PHKB: variants seen among roughly 807,000 people sequenced by gnomAD.
PHKB encodes the protein phosphorylase b kinase regulatory subunit beta.
Under a neutral mutation model 152.1 loss-of-function variants are expected in PHKB, and 122 were observed. The observed-to-expected ratio is 0.80, with a 90% CI of 0.69 to 0.93. PHKB has a LOEUF of 0.93. PHKB is among the 40% of genes least tolerant of loss of function. The pLI is 0.00. For synonymous variants in PHKB, 436 were observed against 464.9 expected (o/e 0.94, Z 0.80); for missense variants, 1,304 against 1,328.4 (o/e 0.98, Z 0.29).
chr16:47,477,357 T>A (rs1969885888), intron 1 of PHKB, among the ~76,000 whole-genome samples: 1 of 152,202 alleles, frequency 6.6e-6, no homozygotes, highest in Non-Finnish European at 1.5e-5. Context: ...GGACTCAATG[T>A]TGAATAATAA....
At chr16:47,464,124 T>C in intron 1 of PHKB, 1 of 709,890 alleles carries the variant, frequency 1.4e-6, no homozygotes, top group South Asian at 1.5e-5. Context: ...AGTACCCGGC[T>C]GGTGTTTTGT....
intron 9 of PHKB, among the ~76,000 whole-genome samples, chr16:47,588,392 A>G (rs1352489465): frequency 1.3e-5 from 2 of 151,674 alleles, no homozygotes; most frequent in East Asian, 1.9e-4. Context: ...ATTTGGGTAT[A>G]TATGTTTTCA....
chr16:47,638,798 T>A (rs1284579523), intron 14 of PHKB, among the ~76,000 whole-genome samples: 1 of 152,248 alleles, frequency 6.6e-6, no homozygotes, highest in Non-Finnish European at 1.5e-5. Context: ...CAAATGCCTG[T>A]AAAATGGAGA....
chr16:47,475,278 A>G (rs963091104), intron 1 of PHKB, among the ~76,000 whole-genome samples: 9 of 152,208 alleles, frequency 5.9e-5, no homozygotes, highest in Non-Finnish European at 1.0e-4. Context: ...ATGTTTTGAT[A>G]TAAGTGTTTG....
chr16:47,629,946 T>G (rs1488779319), intron 14 of PHKB, among the ~76,000 whole-genome samples: 1 of 151,812 alleles, frequency 6.6e-6, no homozygotes, highest in Admixed American at 6.6e-5. Context: ...ACACCGCATA[T>G]TCTCACTCAT....
rs1971820938 is a variant in PHKB, at chr16:47,580,320, C to G, written c.736C>G (p.Leu246Val). ...SSSVGLAKAA[L>V]EAINGFNLFG... ...CTCGGTTGGTTTAGCAAAAGCAGCTCTAGAAGCAATTAATGGATTCAACCT... is the reference window on the plus strand; with the variant it reads ...CTCGGTTGGTTTAGCAAAAGCAGCTGTAGAAGCAATTAATGGATTCAACCT... Residue 246 changes from leucine to valine, a missense_variant, in exon 8 of 31, where the codon CTA becomes GTA. By Grantham distance (32) the Leu-to-Val change is conservative. Coordinates refer to ENST00000323584, the MANE Select transcript of PHKB (RefSeq NM_000293.3). The G allele has an allele frequency of 1.9e-6, 3 of 1,612,914 alleles. No individual in the cohort carries two copies. The highest frequency in any genetic ancestry group is 2.5e-6 in the Non-Finnish European group (3 of 1,179,194).
intron 6 of PHKB, among the ~76,000 whole-genome samples, chr16:47,531,211 A>G (rs1019415602): frequency 2.0e-5 from 3 of 152,198 alleles, no homozygotes; most frequent in Admixed American, 1.3e-4. Flanking sequence ...TTCCAGAGCC[A>G]TAGGGTGACC....
At chr16:47,506,720 T>C (rs1379075535) in intron 4 of PHKB, among the ~76,000 whole-genome samples, 1 of 152,222 alleles carries the variant, frequency 6.6e-6, no homozygotes, top group Non-Finnish European at 1.5e-5. Flanking sequence ...AGGCAGGGGT[T>C]TCCAATCTTT....
chr16:47,638,442 C>G (rs1972959575), intron 14 of PHKB, among the ~76,000 whole-genome samples: 1 of 152,184 alleles, frequency 6.6e-6, no homozygotes, highest in Non-Finnish European at 1.5e-5. Context: ...TGTTCTCTCC[C>G]TAAGTCTTCA....
At chr16:47,513,522 G>A (rs1160612165) in intron 5 of PHKB, among the ~76,000 whole-genome samples, 1 of 152,156 alleles carries the variant, frequency 6.6e-6, no homozygotes, top group Admixed American at 6.5e-5. Context: ...ACTCTTGACT[G>A]CCAGGAAGTC....
intron 7 of PHKB, among the ~76,000 whole-genome samples, chr16:47,556,581 T>C (rs1408825064): frequency 6.6e-6 from 1 of 152,186 alleles, no homozygotes; most frequent in Non-Finnish European, 1.5e-5. Context: ...TTATTGATTT[T>C]CATATATTGA....
chr16:47,586,730 C>T (rs1971940908), intron 8 of PHKB, among the ~76,000 whole-genome samples: 1 of 152,136 alleles, frequency 6.6e-6, no homozygotes, highest in African/African-American at 2.4e-5. Context: ...ATTCTCTTCT[C>T]CCTTTCCCCA....
At chr16:47,498,724 G>C (rs984612003) in intron 2 of PHKB, among the ~76,000 whole-genome samples, 1 of 152,050 alleles carries the variant, frequency 6.6e-6, no homozygotes, top group African/African-American at 2.4e-5. Context: ...AACATAACAA[G>C]CCCTCCATCT....
chr16:47,689,910 A>AATGTATAT (rs1974030983), intron 27 of PHKB, among the ~76,000 whole-genome samples: 2 of 152,264 alleles, frequency 1.3e-5, no homozygotes, highest in South Asian at 4.1e-4. Context: ...ATTCAATTCC[A>AATGTATAT]ATAACATTCA....
At chr16:47,467,904 T>C (rs1969696572) in intron 1 of PHKB, among the ~76,000 whole-genome samples, 3 of 152,210 alleles carry the variant, frequency 2.0e-5, no homozygotes, top group Admixed American at 2.0e-4. Context: ...GATCCAGGTA[T>C]CTATGCACAT....
intron 6 of PHKB, among the ~76,000 whole-genome samples, chr16:47,517,760 A>G (rs1481778235): frequency 6.6e-6 from 1 of 152,054 alleles, no homozygotes; most frequent in African/African-American, 2.4e-5. Context: ...GCTTTTTTTA[A>G]AAAAATTTCT....
chr16:47,627,960 G>T (rs2880205), intron 14 of PHKB, among the ~76,000 whole-genome samples: 15,287 of 152,164 alleles, frequency 0.1, 1,546 homozygotes, highest in African/African-American at 0.26. Flanking sequence ...AGCTAATGAG[G>T]TTTTGCTGAA....
At chr16:47,466,613 A>C (rs555132315) in intron 1 of PHKB, among the ~76,000 whole-genome samples, 7 of 152,252 alleles carry the variant, frequency 4.6e-5, no homozygotes, top group African/African-American at 1.7e-4. Flanking sequence ...ATAGGACTTG[A>C]GTCTTTTCAT....
At position 47,573,946 on chromosome 16, in the gene PHKB, G is replaced by A. The variant is rs147321274; in HGVS notation, c.711-6349G>A. 4.3e-3 allele frequency among the ~76,000 whole-genome samples: 650 copies of A among 152,144 alleles called. 6 individuals carry two copies. The highest frequency in any genetic ancestry group is 0.015 in the African/African-American group (615 of 41,484). On this transcript the variant is annotated intron_variant, in intron 7 of 30. Coordinates refer to ENST00000323584, the MANE Select transcript of PHKB (RefSeq NM_000293.3). ...AATTTTTTTTTCTTTTATATGTGAA[G>A]TCTTGCTCTGTTGCCCAAGCTGGAT...
Sources: gnomAD v4.1 joint callset for allele counts (sites outside exome capture counted in the v4.1 genomes callset) on GRCh38, gnomAD v4.1.1 for gene constraint, MANE v1.5 for transcripts, NCBI Gene and HGNC (gene_info 2026-07-23, HGNC 2026-07-21) for gene names.